LSAMP: variants seen among roughly 807,000 people sequenced by gnomAD.
The protein encoded by LSAMP is limbic system associated membrane protein, also known as limbic system-associated membrane protein.
LSAMP carries 7 observed loss-of-function variants against 38.6 expected under a neutral mutation model. The ratio of observed to expected loss-of-function variants is 0.18; its 90% CI spans 0.10 to 0.34. The LOEUF is 0.34. Among genes scored for constraint, LSAMP ranks in the 10% least tolerant of loss-of-function variants. LSAMP has a pLI of 1.00. For missense variants in LSAMP, 313 were observed against 420.0 expected, an observed-to-expected ratio of 0.75 and a Z score of 2.23; for synonymous variants, 154 against 166.8, an observed-to-expected ratio of 0.92 and a Z score of 0.59.
chr3:115,842,671 G>C (rs1011338197), intron 4 of LSAMP, 93 bp from the exon 5 acceptor site: 7 of 1,511,752 alleles, frequency 4.6e-6, no homozygotes, highest in Middle Eastern at 1.8e-4. Flanking sequence ...TCTGATTAGA[G>C]AGAGGCAGGA....
intron 1 of LSAMP, among the ~76,000 whole-genome samples, chr3:116,350,153 C>A (rs2048117177): frequency 6.6e-6 from 1 of 151,970 alleles, no homozygotes; most frequent in African/African-American, 2.4e-5. Flanking sequence ...TGGAAATGAG[C>A]CCACGAATCA....
chr3:115,946,838 A>T (rs940446671), intron 3 of LSAMP, among the ~76,000 whole-genome samples: 1 of 152,254 alleles, frequency 6.6e-6, no homozygotes, highest in African/African-American at 2.4e-5. Context: ...TAAAATAAAG[A>T]GTAAAATAAC....
chr3:115,902,920 T>C (rs1179722225), intron 3 of LSAMP, among the ~76,000 whole-genome samples: 4 of 152,294 alleles, frequency 2.6e-5, no homozygotes, highest in South Asian at 4.1e-4. Context: ...TCAACCATTG[T>C]GTAAAGCAGT....
At chr3:116,055,717 A>T (rs2107739646) in intron 2 of LSAMP, among the ~76,000 whole-genome samples, 1 of 152,330 alleles carries the variant, frequency 6.6e-6, no homozygotes, top group Middle Eastern at 3.4e-3. Flanking sequence ...CTTCAAATAT[A>T]TGTGGAAGAA....
chr3:115,878,942 C>T (rs1414747352), intron 3 of LSAMP, among the ~76,000 whole-genome samples: 1 of 152,092 alleles, frequency 6.6e-6, no homozygotes, highest in Non-Finnish European at 1.5e-5. Context: ...GAGACTGATG[C>T]TTCTGAAGCC....
At chr3:116,196,467 G>A (rs561979822) in intron 1 of LSAMP, among the ~76,000 whole-genome samples, 1 of 152,196 alleles carries the variant, frequency 6.6e-6, no homozygotes, top group Admixed American at 6.5e-5. Flanking sequence ...AAACATTTGA[G>A]AATCCTATCT....
intron 1 of LSAMP, among the ~76,000 whole-genome samples, chr3:116,439,404 C>G (rs2049401154): frequency 6.6e-6 from 1 of 151,320 alleles, no homozygotes; most frequent in Non-Finnish European, 1.5e-5. Flanking sequence ...TCAGCATCAC[C>G]TGAGAACTTG....
intron 1 of LSAMP, 54 bp downstream of exon 1, chr3:116,444,808 ACAAACACACACACAC>A: frequency 1.6e-6 from 2 of 1,282,548 alleles, no homozygotes; most frequent in Non-Finnish European, 2.2e-6. Context: ...ACACACACAC[ACAAACACACACACAC>A]ACACACACAC....
At chr3:116,220,684 A>G (rs566176005) in intron 1 of LSAMP, among the ~76,000 whole-genome samples, 1 of 152,302 alleles carries the variant, frequency 6.6e-6, no homozygotes, top group South Asian at 2.1e-4. Context: ...TTTTAGGATC[A>G]AACTGGAATG....
At chr3:115,917,230 T>C (rs1488981166) in intron 3 of LSAMP, among the ~76,000 whole-genome samples, 1 of 152,208 alleles carries the variant, frequency 6.6e-6, no homozygotes, top group Non-Finnish European at 1.5e-5. Context: ...CAATGCTCAA[T>C]AGCTTTGGGC....
In LSAMP at chr3:116,347,251, A is replaced by T. The variant is rs1050870250; in HGVS notation, c.155+97626T>A. Among the ~76,000 whole-genome samples the T allele has an allele frequency of 4.6e-5, 7 of 152,292 alleles. 1 individual carries two copies. The South Asian group carries it at 1.5e-3, about 32-fold the overall frequency. ...ACAGGAGCTTTGATGGTGAGGGCCA[A>T]CCTTTTGCTTGTGCATACAGAACTT... On this transcript the variant is annotated intron_variant, in intron 1 of 6. Transcript: ENST00000490035.
intron 3 of LSAMP, among the ~76,000 whole-genome samples, chr3:115,864,434 C>T (rs547568821): frequency 1.3e-5 from 2 of 152,306 alleles, no homozygotes; most frequent in East Asian, 1.9e-4. Context: ...ATAGCCTGCT[C>T]ACATTGGTGC....
Position 115,810,175 on chromosome 3 carries a change from C to T in LSAMP, c.*142G>A. On this transcript the variant is annotated 3_prime_UTR_variant, in exon 7 of 7. Transcript: ENST00000490035. The stretch of plus-strand genomic sequence containing the variant: ...TTTCTTCTTCACTTTCTTATTTCCC[C>T]CTTCATGTATAAACACACAAAGTTG... 2 of 591,824 alleles carry T rather than the reference C, an allele frequency of 3.4e-6. No individual in the cohort carries two copies. Among genetic ancestry groups the T allele is most frequent in the Non-Finnish European group, 6.0e-6 (2 of 335,354 alleles). 36.7% of individuals were successfully genotyped at this position (591,824 alleles called of 1,614,324 possible).
At chr3:116,107,673 T>C (rs1207459249) in intron 1 of LSAMP, among the ~76,000 whole-genome samples, 2 of 152,198 alleles carry the variant, frequency 1.3e-5, no homozygotes, top group East Asian at 1.9e-4. Flanking sequence ...ATGGGGTCTG[T>C]CTGTGAAGCC....
chr3:115,933,284 A>C (rs1261607795), intron 3 of LSAMP, among the ~76,000 whole-genome samples: 2 of 152,152 alleles, frequency 1.3e-5, no homozygotes, highest in Non-Finnish European at 2.9e-5. Context: ...AAGAGGGGAG[A>C]TACTGGAGAT....
At chr3:116,317,530 T>C (rs1023956317) in intron 1 of LSAMP, among the ~76,000 whole-genome samples, 7 of 151,852 alleles carry the variant, frequency 4.6e-5, no homozygotes, top group African/African-American at 1.7e-4. Flanking sequence ...TAATTTTTTG[T>C]ATTTTCAGTA....
chr3:116,167,002 A>G lies in LSAMP; in HGVS notation c.156-80446T>C, dbSNP rs538829935. On this transcript the variant is annotated intron_variant, in intron 1 of 6. Transcript: ENST00000490035. Reference sequence around the variant, plus strand: ...GAGACGGGGTTTCACCGTGTTAGCCAGGATGGTCTTGATCTCCTGACCTCG... The same window carrying G: ...GAGACGGGGTTTCACCGTGTTAGCCGGGATGGTCTTGATCTCCTGACCTCG... 2.7e-3 allele frequency among the ~76,000 whole-genome samples: 417 copies of G among 152,136 alleles called. 2 individuals are homozygous for G. The highest frequency in any genetic ancestry group is 4.8e-3 in the Non-Finnish European group (329 of 67,980).
chr3:115,854,286 T>TA (rs1559851939), intron 3 of LSAMP, among the ~76,000 whole-genome samples: 3,350 of 115,972 alleles, frequency 0.029, 33 homozygotes, highest in Middle Eastern at 0.072. Flanking sequence ...ATTATTATTT[T>TA]TTTTTTTTTT....
intron 3 of LSAMP, among the ~76,000 whole-genome samples, chr3:115,863,242 A>C (rs1317836690): frequency 3.3e-5 from 5 of 152,158 alleles, no homozygotes; most frequent in Non-Finnish European, 5.9e-5. Context: ...CAGAGGTTTA[A>C]ATGGTTGAAA....
Sources: gnomAD v4.1 joint callset for allele counts (sites outside exome capture counted in the v4.1 genomes callset) on GRCh38, gnomAD v4.1.1 for gene constraint, MANE v1.5 for transcripts, NCBI Gene and HGNC (gene_info 2026-07-23, HGNC 2026-07-21) for gene names.